Variants in MNT observed in about 807,000 individuals in gnomAD.
The protein encoded by MNT is MAX network transcriptional repressor.
Under a neutral mutation model 40.7 loss-of-function variants are expected in MNT, and 13 were observed. The ratio of observed to expected loss-of-function variants is 0.32; its 90% CI spans 0.21 to 0.51. The LOEUF is 0.51. Ranked by LOEUF, MNT falls within the 20% of genes least tolerant of loss-of-function variation. MNT has a pLI of 0.98. For synonymous variants in MNT, 426 were observed against 354.8 expected, an observed-to-expected ratio of 1.20 and a Z score of -2.26; for missense variants, 757 against 792.0, an observed-to-expected ratio of 0.96 and a Z score of 0.53.
intron 1 of MNT, among the ~76,000 whole-genome samples, chr17:2,399,043 G>A (rs1291929591): frequency 7.1e-6 from 1 of 141,110 alleles, no homozygotes; most frequent in Non-Finnish European, 1.5e-5. Context: ...GGCGGCACAC[G>A]GCGGCGCGCG....
intron 1 of MNT, 79 bp from the exon 2 acceptor site, chr17:2,395,533 G>A: frequency 1.7e-5 from 27 of 1,587,024 alleles, no homozygotes; most frequent in Non-Finnish European, 2.0e-5. Flanking sequence ...TCTGACCCTA[G>A]CCCAGTCAGT....
rs1407193313 is a variant in MNT at position 2,387,374 on chromosome 17, C to G, written c.1276G>C (p.Ala426Pro). The G allele has an allele frequency of 6.2e-7, 1 of 1,612,096 alleles. No individual in the cohort carries two copies. Among genetic ancestry groups the G allele is most frequent in the East Asian group, 2.2e-5 (1 of 44,790 alleles). The change falls in exon 6 of 6, where the codon GCT becomes CCT. Residue 426 changes from alanine to proline, a missense_variant. Physicochemically the swap from Ala to Pro is conservative, Grantham distance 27. Around this residue, in one of 4 missense-constraint regions of MNT, gnomAD observed 345 missense variants for 380.1 expected, o/e 0.91. Transcript: ENST00000174618. ...PAAPAQTLVPAPAHLVATAGG... is the reference protein window; with the variant it reads ...PAAPAQTLVPPPAHLVATAGG... ...GCCGTCGCCACCAGATGGGCTGGAG[C>G]TGGCACCAGTGTCTGGGCAGGGGCA...
Position 2,395,449 on chromosome 17 carries a change from G to C in MNT, c.79C>G (p.Gln27Glu). Residue 27 changes from glutamine to glutamate, a missense_variant, in exon 2 of 6, where the codon CAG becomes GAG. This residue lies in a region of MNT where 335 missense variants were observed against 291.4 expected (regional missense o/e 1.15). Coordinates refer to ENST00000174618, the MANE Select transcript of MNT (RefSeq NM_020310.3). ...TCCTGCTCCAAGCGAAGCCGCTCCT[G>C]CTCCTCTACACAGAGAGAACACAAG... is the stretch of plus-strand genomic sequence containing the variant. ...AQQQQRAREE[Q>E]ERLRLEQERE... 1.9e-6 allele frequency: 3 copies of C among 1,612,044 alleles called. No individual in the cohort carries two copies. The highest frequency in any genetic ancestry group is 2.5e-6 in the Non-Finnish European group (3 of 1,179,858).
intron 2 of MNT, among the ~76,000 whole-genome samples, 189 bp from the exon 3 acceptor site, chr17:2,394,535 C>G (rs2066559237): frequency 6.6e-6 from 1 of 152,150 alleles, no homozygotes; most frequent in Non-Finnish European, 1.5e-5. Flanking sequence ...CTCATAATCA[C>G]AACTCCTGTC....
chr17:2,394,466 G>A (rs2066558854), intron 2 of MNT, 120 bp from the exon 3 acceptor site: 1 of 1,448,736 alleles, frequency 6.9e-7, no homozygotes, highest in Non-Finnish European at 9.5e-7. Flanking sequence ...TCTTAAAGCA[G>A]ACTGGGAGAC....
In MNT at chr17:2,385,306, C is replaced by T. The variant is rs1176421584; in HGVS notation, c.*1595G>A. The T allele has an allele frequency of 6.6e-6, 1 of 152,388 alleles. No homozygotes were observed. Among genetic ancestry groups the T allele is most frequent in the East Asian group, 1.9e-4 (1 of 5,202 alleles). 9.4% of individuals were successfully genotyped at this position (152,388 alleles called of 1,614,324 possible). ...TGCCTGCAGGGCACTCCAGGAAATC[C>T]TCAGCTCTGTCCCCTCCCCCCGGCC... On this transcript the variant is annotated 3_prime_UTR_variant, in exon 6 of 6. Transcript: ENST00000174618.
Position 2,394,883 on chromosome 17 carries a change from C to T in MNT, c.645G>A (p.Arg215=), listed in dbSNP as rs773425136. 43 of 1,583,220 alleles carry T rather than the reference C, an allele frequency of 2.7e-5. No individual in the cohort carries two copies. The highest frequency in any genetic ancestry group is 3.5e-5 in the Non-Finnish European group (41 of 1,165,548). ...CGCCACACCCCACTCACCCCCCGGG[C>T]CTCTTCTTCTGTTCACTGGATTTGA... ...EEVKSSEQKK[R]PGGIGTREVH... Residue 215 remains arginine (R), a synonymous_variant, in exon 2 of 6, where the codon AGG becomes AGA. Coordinates refer to ENST00000174618, the MANE Select transcript of MNT (RefSeq NM_020310.3).
chr17:2,388,555 C>T (rs1384288333), intron 4 of MNT, among the ~76,000 whole-genome samples: 1 of 152,078 alleles, frequency 6.6e-6, no homozygotes, highest in Non-Finnish European at 1.5e-5. Flanking sequence ...CTGGTCTGCA[C>T]CTGCTCCCCG....
rs2066435636 is a variant in MNT, at chr17:2,384,205, A to C, written c.*2696T>G. On this transcript the variant is annotated 3_prime_UTR_variant, in exon 6 of 6. Coordinates refer to ENST00000174618, the MANE Select transcript of MNT (RefSeq NM_020310.3). ...GCCACTAGAATACAGTTCAATAGTA[A>C]AAATACAGTATGTACAAAATTAGGG... is the stretch of plus-strand genomic sequence containing the variant. 6.6e-6 allele frequency: 1 copy of C among 152,560 alleles called. No individual in the cohort carries two copies. The highest frequency in any genetic ancestry group is 6.6e-5 in the Admixed American group (1 of 15,262). The allele number at this position is 152,560 out of a possible 1,614,324, so 9.5% of individuals were successfully genotyped here.
At chr17:2,394,211 G>C (rs1248636912) in intron 3 of MNT, 57 bp from the exon 4 acceptor site, 1 of 1,597,904 alleles carries the variant, frequency 6.3e-7, no homozygotes, top group Admixed American at 1.7e-5. Context: ...GGGACGGGGG[G>C]AGGCAGGACC....
chr17:2,395,166 G>T lies in MNT; in HGVS notation c.362C>A (p.Pro121Gln). 1 of 1,456,808 alleles carries T rather than the reference G, an allele frequency of 6.9e-7. No homozygotes were observed. The allele number at this position is 1,456,808 out of a possible 1,614,324, so 90.2% of individuals were successfully genotyped here. Residue 121 changes from proline to glutamine, a missense_variant, in exon 2 of 6, where the codon CCG becomes CAG. Transcript: ENST00000174618. ...AQPLPLAPRQ[P>Q]ALVGAPGLSI... is the part of the protein sequence containing the mutation. ...GAGTCCGGGGGCGCCAACCAGGGCC[G>T]GCTGACGAGGCGCCAGGGGCAGAGG...
In MNT at chr17:2,395,375, A is replaced by G; in HGVS notation, c.153T>C (p.His51=). The G allele has an allele frequency of 1.9e-6, 3 of 1,613,434 alleles. No homozygotes were observed. The highest frequency in any genetic ancestry group is 2.5e-6 in the Non-Finnish European group (3 of 1,179,868). ...KKANSLARLA[H]TLPVEEPRME... is the part of the protein sequence containing the mutation. ...TGCGGGGTTCCTCCACAGGAAGGGT[A>G]TGTGCCAGCCTGGCCAGGCTATTGG... The change falls in exon 2 of 6, where the codon CAT becomes CAC. Residue 51 remains histidine, a synonymous_variant. Transcript: ENST00000174618.
chr17:2,394,016 C>T (rs770593920), intron 4 of MNT, 27 bp downstream of exon 4: 31 of 1,517,480 alleles, frequency 2.0e-5, no homozygotes, highest in Non-Finnish European at 2.7e-5. Context: ...GGGGAAGCTG[C>T]GCGACGCCGG....
chr17:2,393,016 GC>G lies in MNT; in HGVS notation c.807+1026del, dbSNP rs11284900. 6.9e-3 allele frequency among the ~76,000 whole-genome samples: 1,046 copies of G among 152,188 alleles called. 21 individuals carry two copies. The highest frequency in any genetic ancestry group is 0.024 in the African/African-American group (993 of 41,540). ...CGGTCGAGGCCGGGGGAGGGGCGGC[GC>G]CCAGCGGCTGGCTCCTCGCGCGCTG... On this transcript the variant is annotated intron_variant, in intron 4 of 5. Transcript: ENST00000174618.
rs2066607429 is a variant in MNT at position 2,400,496 on chromosome 17, G to A, written c.73+144C>T. 4.8e-6 allele frequency: 3 copies of A among 627,450 alleles called. No homozygotes were observed. In the South Asian group the frequency reaches 6.9e-5, roughly 14 times the overall value. 38.9% of individuals were successfully genotyped at this position (627,450 alleles called of 1,614,324 possible). ...TGCCCACATCACCCCTCCCCAGGCG[G>A]CGGCTCTCGCGGGGAGCCGTGCGCT... is the stretch of plus-strand genomic sequence containing the variant. On this transcript the variant is annotated intron_variant, in intron 1 of 5. Transcript: ENST00000174618.
chr17:2,400,509 G>T, intron 1 of MNT, 131 bp downstream of exon 1: 1 of 768,000 alleles, frequency 1.3e-6, no homozygotes, highest in Non-Finnish European at 2.0e-6. Flanking sequence ...GCTCTCGCGG[G>T]GAGCCGTGCG....
intron 3 of MNT, 22 bp from the exon 4 acceptor site, chr17:2,394,176 G>A (rs746500193): frequency 1.2e-6 from 2 of 1,606,370 alleles, no homozygotes; most frequent in Non-Finnish European, 1.7e-6. Context: ...GGCGAGCGCC[G>A]GTCAGCGGTG....
chr17:2,398,627 G>T (rs2066592824), intron 1 of MNT, among the ~76,000 whole-genome samples: 1 of 152,190 alleles, frequency 6.6e-6, no homozygotes, highest in Admixed American at 6.5e-5. Flanking sequence ...CATCTACAAA[G>T]ACCTCTGACC....
intron 4 of MNT, among the ~76,000 whole-genome samples, chr17:2,393,234 C>A (rs890658177): frequency 1.3e-5 from 2 of 151,840 alleles, no homozygotes; most frequent in African/African-American, 4.8e-5. Flanking sequence ...CAGCCTCCGG[C>A]CCGGCGCGCG....
Sources: gnomAD v4.1 joint callset for allele counts (sites outside exome capture counted in the v4.1 genomes callset) on GRCh38, gnomAD v4.1.1 for gene constraint, gnomAD v4.1.1 regional missense constraint, MANE v1.5 for transcripts, NCBI Gene and HGNC (gene_info 2026-07-23, HGNC 2026-07-21) for gene names.